The following DOCK3 variants were observed in gnomAD, a reference collection of about 807,000 sequenced individuals.
DOCK3 encodes the protein dedicator of cytokinesis 3.
Under a neutral mutation model 265.6 loss-of-function variants are expected in DOCK3, and 60 were observed. That is an observed-to-expected ratio of 0.23 (90% CI 0.18 to 0.28). The LOEUF is 0.28. DOCK3 is among the 10% of genes least tolerant of loss of function. DOCK3 has a pLI of 1.00. For missense variants in DOCK3, 1,981 were observed against 2,594.3 expected, an observed-to-expected ratio of 0.76 and a Z score of 5.14; for synonymous variants, 881 against 938.0, an observed-to-expected ratio of 0.94 and a Z score of 1.11.
Position 50,822,363 on chromosome 3 carries a change from C to T in DOCK3, c.122-19312C>T, listed in dbSNP as rs570065850. Among the ~76,000 whole-genome samples, 325 of 150,474 alleles carry T rather than the reference C, an allele frequency of 2.2e-3. 1 individual carries two copies. Among genetic ancestry groups the T allele is most frequent in the Middle Eastern group, 0.014 (4 of 292 alleles). Reference sequence around the variant, plus strand: ...GATTTTTGTACATCGATTTTGTATCCTTAAACTTTGATAAATTGGTTATCA... The same window carrying T: ...GATTTTTGTACATCGATTTTGTATCTTTAAACTTTGATAAATTGGTTATCA... On this transcript the variant is annotated intron_variant, in intron 2 of 52. Coordinates refer to ENST00000266037, the MANE Select transcript of DOCK3 (RefSeq NM_004947.5).
At chr3:50,811,068 A>G (rs1288524185) in intron 2 of DOCK3, among the ~76,000 whole-genome samples, 2 of 152,206 alleles carry the variant, frequency 1.3e-5, no homozygotes, top group Admixed American at 1.3e-4. Context: ...CAATCAGAAT[A>G]TAAAAGATCT....
At chr3:50,986,758 A>C (rs6768372) in intron 5 of DOCK3, among the ~76,000 whole-genome samples, 5,095 of 152,330 alleles carry the variant, frequency 0.033, 282 homozygotes, top group African/African-American at 0.11. Flanking sequence ...ACCTAGTATA[A>C]AAACAATATA....
intron 5 of DOCK3, among the ~76,000 whole-genome samples, chr3:51,020,913 G>T (rs2079559428): frequency 6.6e-6 from 1 of 151,764 alleles, no homozygotes; most frequent in African/African-American, 2.4e-5. Context: ...AATGCCTGCA[G>T]CTTTGTTCTT....
intron 7 of DOCK3, among the ~76,000 whole-genome samples, chr3:51,082,362 A>G (rs1405691410): frequency 4.6e-5 from 7 of 152,112 alleles, no homozygotes; most frequent in African/African-American, 9.7e-5. Flanking sequence ...GGGCTGCAGC[A>G]TCACAATACA....
intron 27 of DOCK3, among the ~76,000 whole-genome samples, chr3:51,308,748 G>A (rs1255548744): frequency 1.3e-4 from 20 of 152,192 alleles, no homozygotes; most frequent in African/African-American, 3.1e-4. Flanking sequence ...CCTCCCAGAC[G>A]GGGTGGTGGC....
At chr3:51,293,900 T>G (rs2109209404) in intron 27 of DOCK3, among the ~76,000 whole-genome samples, 2 of 152,344 alleles carry the variant, frequency 1.3e-5, no homozygotes, top group South Asian at 4.1e-4. Flanking sequence ...CACAGTGAGA[T>G]ATCACGTCAC....
At chr3:51,260,016 C>G (rs886212173) in intron 22 of DOCK3, 140 bp from the exon 23 acceptor site, 15 of 773,338 alleles carry the variant, frequency 1.9e-5, no homozygotes, top group Admixed American at 6.9e-5. Flanking sequence ...AATAAAGTAC[C>G]TATCTATCTC....
chr3:50,972,643 G>T (rs2077273770), intron 5 of DOCK3, among the ~76,000 whole-genome samples: 2 of 152,324 alleles, frequency 1.3e-5, no homozygotes, highest in East Asian at 1.9e-4. Flanking sequence ...AGCCAGCCCT[G>T]TGTGCCTGCT....
At chr3:50,897,703 T>C (rs1397479828) in intron 4 of DOCK3, among the ~76,000 whole-genome samples, 1 of 148,428 alleles carries the variant, frequency 6.7e-6, no homozygotes, top group Non-Finnish European at 1.5e-5. Context: ...TAGAATTTTA[T>C]TGGAGACCTT....
chr3:50,680,961 G>A (rs1194251147), intron 1 of DOCK3, among the ~76,000 whole-genome samples: 2 of 152,048 alleles, frequency 1.3e-5, no homozygotes, highest in East Asian at 3.9e-4. Context: ...GAAGCTTTTA[G>A]TTTAATGTAG....
intron 9 of DOCK3, among the ~76,000 whole-genome samples, chr3:51,103,414 T>C (rs2083157616): frequency 6.6e-6 from 1 of 152,228 alleles, no homozygotes; most frequent in Non-Finnish European, 1.5e-5. Context: ...AAATGAGCCT[T>C]ATTGTCGTCC....
At chr3:50,978,364 G>A (rs1054638180) in intron 5 of DOCK3, among the ~76,000 whole-genome samples, 3 of 151,960 alleles carry the variant, frequency 2.0e-5, no homozygotes, top group Admixed American at 6.6e-5. Flanking sequence ...CTTCTAACAG[G>A]CAGGACCCTC....
intron 25 of DOCK3, 129 bp from the exon 26 acceptor site, chr3:51,277,479 G>C: frequency 1.6e-6 from 2 of 1,239,262 alleles, no homozygotes; most frequent in Non-Finnish European, 2.2e-6. Context: ...ACTGCATGTT[G>C]GTGAGACTGA....
chr3:51,297,762 C>A (rs916219397), intron 27 of DOCK3, among the ~76,000 whole-genome samples: 1 of 147,724 alleles, frequency 6.8e-6, no homozygotes, highest in African/African-American at 2.5e-5. Flanking sequence ...GAGCAAGACC[C>A]TGTCTTTACA....
At chr3:50,946,694 CT>C (rs747780270) in intron 5 of DOCK3, among the ~76,000 whole-genome samples, 1 of 152,194 alleles carries the variant, frequency 6.6e-6, no homozygotes, top group Admixed American at 6.5e-5. Flanking sequence ...CAAGGGATTT[CT>C]GGAAATGCCA....
intron 5 of DOCK3, among the ~76,000 whole-genome samples, chr3:50,979,662 C>T (rs2077619252): frequency 6.6e-6 from 1 of 152,122 alleles, no homozygotes; most frequent in Admixed American, 6.5e-5. Flanking sequence ...AACAAATAAG[C>T]CTCTTTTTAA....
At chr3:51,040,473 C>T (rs1252659749) in intron 5 of DOCK3, among the ~76,000 whole-genome samples, 1 of 152,190 alleles carries the variant, frequency 6.6e-6, no homozygotes, top group African/African-American at 2.4e-5. Flanking sequence ...TTCAGCCAGT[C>T]ATGATCTTTT....
chr3:51,193,741 T>G (rs2088091961), intron 12 of DOCK3, among the ~76,000 whole-genome samples: 1 of 151,806 alleles, frequency 6.6e-6, no homozygotes. Context: ...TCTTTGCATT[T>G]CTGTAGTATC....
chr3:51,307,340 C>T (rs1042493725), intron 27 of DOCK3, among the ~76,000 whole-genome samples: 7 of 152,094 alleles, frequency 4.6e-5, no homozygotes, highest in African/African-American at 1.4e-4. Context: ...TGGTTCCAAA[C>T]TCCTGGCCTC....
Sources: allele counts gnomAD v4.1 joint callset (sites outside exome capture counted in the v4.1 genomes callset), GRCh38; gene constraint gnomAD v4.1.1; transcripts MANE v1.5; gene names NCBI Gene and HGNC (gene_info 2026-07-23, HGNC 2026-07-21).